Variants in MAN2B2 observed in about 807,000 individuals in gnomAD.
The protein encoded by MAN2B2 is mannosidase alpha class 2B member 2, also known as epididymis-specific alpha-mannosidase.
Under a neutral mutation model 117.1 loss-of-function variants are expected in MAN2B2, and 106 were observed. The ratio of observed to expected loss-of-function variants is 0.90; its 90% CI spans 0.77 to 1.06. MAN2B2 has a LOEUF of 1.06. MAN2B2 is among the 50% of genes least tolerant of loss of function. The probability of loss-of-function intolerance (pLI) is 0.00; values close to 1 mark genes in which losing one functional copy is unlikely to be tolerated. For missense variants in MAN2B2, 1,326 were observed against 1,381.4 expected, an observed-to-expected ratio of 0.96 and a Z score of 0.64; for synonymous variants, 544 against 595.1, an observed-to-expected ratio of 0.91 and a Z score of 1.25.
intron 16 of MAN2B2, among the ~76,000 whole-genome samples, chr4:6,616,523 G>A (rs1365663426): frequency 4.6e-5 from 7 of 152,114 alleles, no homozygotes; most frequent in Non-Finnish European, 1.0e-4. Context: ...TGGCCACCAC[G>A]CCCCCCGCTG....
intron 13 of MAN2B2, 86 bp from the exon 14 acceptor site, chr4:6,610,794 G>A (rs1649638044): frequency 2.7e-6 from 3 of 1,118,034 alleles, no homozygotes; most frequent in Admixed American, 3.4e-5. Context: ...CCTATGGGGA[G>A]CACCAGCTGG....
chr4:6,597,566 C>CATTTGTGTCCG (rs1311485487), intron 8 of MAN2B2, among the ~76,000 whole-genome samples: 1 of 152,230 alleles, frequency 6.6e-6, no homozygotes, highest in Non-Finnish European at 1.5e-5. Flanking sequence ...GGTGGAGTGG[C>CATTTGTGTCCG]ATTTGTGTCC....
intron 8 of MAN2B2, 74 bp from the exon 9 acceptor site, chr4:6,598,124 A>T: frequency 3.3e-6 from 5 of 1,515,900 alleles, no homozygotes; most frequent in Non-Finnish European, 4.5e-6. Flanking sequence ...GCCAGCGCCT[A>T]GTAGGTGCCT....
At chr4:6,620,970 T>C (rs973810009) in intron 18 of MAN2B2, 1 of 524,988 alleles carries the variant, frequency 1.9e-6, no homozygotes, top group Non-Finnish European at 3.4e-6. Flanking sequence ...CAGAAGGGGA[T>C]GCCATAGGCC....
At chr4:6,620,894 C>T in intron 18 of MAN2B2, 1 of 383,768 alleles carries the variant, frequency 2.6e-6, no homozygotes, top group Non-Finnish European at 4.8e-6. Flanking sequence ...GCCACTAGGG[C>T]CAGGACCAAC....
chr4:6,614,362 C>T lies in MAN2B2; in HGVS notation c.2701+7C>T, dbSNP rs778968252. ...TCTCAGAATCTCCGGAAAGGTGAGGCAGGTGCCCTGGCGTCTCAGACCTGC... is the reference window on the plus strand; with the variant it reads ...TCTCAGAATCTCCGGAAAGGTGAGGTAGGTGCCCTGGCGTCTCAGACCTGC... On this transcript the variant is annotated splice_region_variant and intron_variant, in intron 16 of 18. Transcript: ENST00000285599. 18 of 1,613,004 alleles carry T rather than the reference C, an allele frequency of 1.1e-5. No individual in the cohort carries two copies. The highest frequency in any genetic ancestry group is 1.7e-5 in the Admixed American group (1 of 59,960).
At chr4:6,609,356 C>A in intron 12 of MAN2B2, 58 bp downstream of exon 12, 2 of 1,531,862 alleles carry the variant, frequency 1.3e-6, no homozygotes, top group Non-Finnish European at 1.8e-6. Context: ...CGCGTGCAGG[C>A]AGCTCAGTGA....
Position 6,600,194 on chromosome 4 carries a change from C to G in MAN2B2, c.1406-429C>G, listed in dbSNP as rs112760872. On this transcript the variant is annotated intron_variant, in intron 9 of 18. Coordinates refer to ENST00000285599, the MANE Select transcript of MAN2B2 (RefSeq NM_015274.3). ...TGCCAGGCTAGGCAATGGACTTGACCCTCTGGGCTCCAGAGAATTCTCTGG... is the reference window on the plus strand; with the variant it reads ...TGCCAGGCTAGGCAATGGACTTGACGCTCTGGGCTCCAGAGAATTCTCTGG... 1.0e-3 allele frequency among the ~76,000 whole-genome samples: 154 copies of G among 152,258 alleles called. 2 individuals are homozygous for G. The highest frequency in any genetic ancestry group is 3.5e-3 in the African/African-American group (146 of 41,540).
At chr4:6,612,499 G>A (rs1711618520) in intron 15 of MAN2B2, among the ~76,000 whole-genome samples, 1 of 152,244 alleles carries the variant, frequency 6.6e-6, no homozygotes, top group Admixed American at 6.5e-5. Context: ...AATCTAAGGA[G>A]GAGCTGGATA....
intron 3 of MAN2B2, among the ~76,000 whole-genome samples, chr4:6,584,788 T>C (rs1373372042): frequency 4.6e-5 from 7 of 152,286 alleles, no homozygotes; most frequent in Admixed American, 3.9e-4. Context: ...AGAACCAATA[T>C]CTGACAGGAG....
At chr4:6,581,552 G>A (rs967903702) in intron 3 of MAN2B2, among the ~76,000 whole-genome samples, 1 of 151,936 alleles carries the variant, frequency 6.6e-6, no homozygotes, top group Non-Finnish European at 1.5e-5. Context: ...GTCCACATTG[G>A]GCTGGTTTTC....
chr4:6,580,653 C>T (rs1184634833), intron 3 of MAN2B2, among the ~76,000 whole-genome samples: 1 of 152,190 alleles, frequency 6.6e-6, no homozygotes, highest in Non-Finnish European at 1.5e-5. Flanking sequence ...TCTGTGTCAC[C>T]TCCCCACTTA....
rs1005648735 is a variant in MAN2B2 at position 6,612,445 on chromosome 4, C to G, written c.2563+1167C>G. Among the ~76,000 whole-genome samples the G allele has an allele frequency of 9.9e-5, 15 of 152,160 alleles. 1 individual carries two copies. Among genetic ancestry groups the G allele is most frequent in the Admixed American group, 8.5e-4 (13 of 15,270 alleles). ...TTAAGGTTCTTTGGAAGTAACAGAGCCTGAAGGGGCAGCTATTTGGGCAGA... is the reference window on the plus strand; with the variant it reads ...TTAAGGTTCTTTGGAAGTAACAGAGGCTGAAGGGGCAGCTATTTGGGCAGA... On this transcript the variant is annotated intron_variant, in intron 15 of 18. Transcript: ENST00000285599.
intron 5 of MAN2B2, 37 bp downstream of exon 5, chr4:6,589,197 C>G: frequency 1.3e-6 from 2 of 1,494,648 alleles, no homozygotes; most frequent in Non-Finnish European, 1.9e-6. Flanking sequence ...GGATCTCAGA[C>G]AGCAGGGTCT....
intron 7 of MAN2B2, among the ~76,000 whole-genome samples, chr4:6,596,549 CCTCT>C (rs1159839726): frequency 1.3e-5 from 2 of 152,142 alleles, no homozygotes; most frequent in Non-Finnish European, 2.9e-5. Context: ...GCATCCTCAT[CCTCT>C]CTGTCTTGCA....
At chr4:6,579,051 T>TCACCACCCCCATCACCATCACCAC (rs1726197464) in intron 3 of MAN2B2, among the ~76,000 whole-genome samples, 1 of 34,152 alleles carries the variant, frequency 2.9e-5, no homozygotes, top group African/African-American at 1.3e-4. Flanking sequence ...ATCACCACCA[T>TCACCACCCCCATCACCATCACCAC]CACCACCACC....
intron 16 of MAN2B2, among the ~76,000 whole-genome samples, chr4:6,616,942 C>T (rs530644757): frequency 9.2e-5 from 14 of 152,208 alleles, no homozygotes; most frequent in African/African-American, 2.9e-4. Flanking sequence ...AAGACATACC[C>T]GAGACTGGGT....
At chr4:6,588,818 C>T (rs1438870338) in intron 4 of MAN2B2, among the ~76,000 whole-genome samples, 1 of 152,174 alleles carries the variant, frequency 6.6e-6, no homozygotes, top group African/African-American at 2.4e-5. Flanking sequence ...CAGGGTTTGG[C>T]AGAGAAAAGC....
chr4:6,583,370 G>C (rs1726514003), intron 3 of MAN2B2, among the ~76,000 whole-genome samples: 1 of 132,162 alleles, frequency 7.6e-6, no homozygotes, highest in Non-Finnish European at 1.8e-5. Context: ...GGGGAATGTA[G>C]TCTCTGGCTG....
Sources: gnomAD v4.1 joint callset for allele counts (sites outside exome capture counted in the v4.1 genomes callset) on GRCh38, gnomAD v4.1.1 for gene constraint, MANE v1.5 for transcripts, NCBI Gene and HGNC (gene_info 2026-07-23, HGNC 2026-07-21) for gene names.